The following SIN3A variants were observed in gnomAD, a reference collection of about 807,000 sequenced individuals.
SIN3A encodes paired amphipathic helix protein Sin3a.
SIN3A carries 14 observed loss-of-function variants against 146.1 expected under a neutral mutation model. That is an observed-to-expected ratio of 0.10 (90% CI 0.06 to 0.15). The LOEUF is 0.15. Among genes scored for constraint, SIN3A ranks in the 10% least tolerant of loss-of-function variants. The probability of loss-of-function intolerance (pLI) is 1.00; values close to 1 mark genes in which losing one functional copy is unlikely to be tolerated. For synonymous variants in SIN3A, 572 were observed against 572.0 expected (o/e 1.00, Z 0.00); for missense variants, 1,028 against 1,576.0 (o/e 0.65, Z 5.89).
upstream of SIN3A, chr15:75,454,090 C>T (rs979297900): frequency 3.3e-5 from 5 of 152,194 alleles, no homozygotes; most frequent in Non-Finnish European, 7.3e-5. Flanking sequence ...GGCTACCCGC[C>T]CCACCAATCA....
At chr15:75,406,869 G>T (rs1475201294) in intron 9 of SIN3A, among the ~76,000 whole-genome samples, 186 bp downstream of exon 9, 1 of 152,158 alleles carries the variant, frequency 6.6e-6, no homozygotes, top group Non-Finnish European at 1.5e-5. Context: ...AGCAAACAAT[G>T]CTACCATTTT....
chr15:75,420,867 A>G (rs920931547), intron 3 of SIN3A: 4 of 152,242 alleles, frequency 2.6e-5, no homozygotes, highest in Non-Finnish European at 4.4e-5. Flanking sequence ...TTATGCAGGA[A>G]TATAGTCAAG....
intron 13 of SIN3A, among the ~76,000 whole-genome samples, 157 bp from the exon 14 acceptor site, chr15:75,395,020 ACT>A (rs917330177): frequency 3.3e-5 from 5 of 152,160 alleles, no homozygotes; most frequent in African/African-American, 1.2e-4. Context: ...CCAGTCTTGA[ACT>A]CTGTTTCATG....
intron 12 of SIN3A, among the ~76,000 whole-genome samples, chr15:75,397,524 T>C (rs942256574): frequency 1.3e-5 from 2 of 152,142 alleles, no homozygotes; most frequent in Admixed American, 1.3e-4. Context: ...TTGGCCTGAA[T>C]CCCCAAGTAA....
intron 9 of SIN3A, among the ~76,000 whole-genome samples, chr15:75,404,684 CG>C (rs1293108278): frequency 6.6e-6 from 1 of 151,338 alleles, no homozygotes; most frequent in African/African-American, 2.4e-5. Context: ...TGCGTGAACC[CG>C]GGAGGTGGAG....
chr15:75,394,547 T>C (rs900891747), intron 14 of SIN3A, 133 bp downstream of exon 14: 1 of 640,712 alleles, frequency 1.6e-6, no homozygotes, highest in Non-Finnish European at 2.6e-6. Flanking sequence ...GAAAAGGCTA[T>C]GACAGCTATC....
chr15:75,431,080 G>C (rs2074006920), intron 1 of SIN3A, among the ~76,000 whole-genome samples: 1 of 152,128 alleles, frequency 6.6e-6, no homozygotes, highest in Non-Finnish European at 1.5e-5. Flanking sequence ...CCGGCCTCAA[G>C]TGCTTCTTCT....
In SIN3A at chr15:75,392,593, C is replaced by T. The variant is rs947366543; in HGVS notation, c.2500G>A (p.Val834Met). The change falls in exon 15 of 21, where the codon GTG becomes ATG. Residue 834 changes from valine (V) to methionine (M), a missense_variant. Around this residue, in one of 9 missense-constraint regions of SIN3A, gnomAD observed 488 missense variants for 690.2 expected, o/e 0.71. Transcript: ENST00000394947. Reference protein sequence around the residue: ...LFAQRGDLSDVEEEEEEEMDV... With the variant: ...LFAQRGDLSDMEEEEEEEMDV... ...ATCTCTTCTTCTTCCTCTTCCTCCACATCTGAGAGATCACCTCTTTGGGCA... is the reference window on the plus strand; with the variant it reads ...ATCTCTTCTTCTTCCTCTTCCTCCATATCTGAGAGATCACCTCTTTGGGCA... The T allele has an allele frequency of 1.9e-6, 3 of 1,614,156 alleles. No homozygotes were observed. The highest frequency in any genetic ancestry group is 1.1e-5 in the South Asian group (1 of 91,086).
In SIN3A at chr15:75,384,556, T is replaced by TG. The variant is rs1270471730; in HGVS notation, c.3022-120dup. On this transcript the variant is annotated intron_variant, in intron 16 of 20. Transcript: ENST00000394947. The stretch of plus-strand genomic sequence containing the variant: ...AAAGGTTTTTCTTTTTTTGGGGGGG[T>TG]GGGGGGGTGCTGGCAATTTTAGAAA... 11 of 12,960 alleles carry TG rather than the reference T, an allele frequency of 8.5e-4. No homozygotes were observed. In the East Asian group the frequency reaches 0.016, roughly 18 times the overall value. 0.8% of individuals were successfully genotyped at this position (12,960 alleles called of 1,614,324 possible).
At chr15:75,445,286 C>T (rs1368891761) in intron 1 of SIN3A, among the ~76,000 whole-genome samples, 1 of 145,804 alleles carries the variant, frequency 6.9e-6, no homozygotes, top group Non-Finnish European at 1.5e-5. Context: ...GAGGCTGAGA[C>T]AGGAGAACTG....
intron 14 of SIN3A, 144 bp from the exon 15 acceptor site, chr15:75,392,959 G>C (rs372187359): frequency 7.7e-6 from 5 of 645,928 alleles, no homozygotes; most frequent in Non-Finnish European, 1.0e-5. Flanking sequence ...GACTGGGAGC[G>C]GTGGCTCACG....
chr15:75,392,716 G>C lies in SIN3A; in HGVS notation c.2377C>G (p.Leu793Val). ...DKQILEDAAA[L>V]IIHHVKRQTG... Reference sequence around the variant, plus strand: ...TGCCTCTTCACATGGTGGATAATCAGAGCAGCAGCATCTTCCAGTATTTGT... The same window carrying C: ...TGCCTCTTCACATGGTGGATAATCACAGCAGCAGCATCTTCCAGTATTTGT... The change falls in exon 15 of 21, where the codon CTG (leucine) becomes GTG (valine). Residue 793 changes from leucine (L) to valine (V), a missense_variant. By Grantham distance (32) the Leu-to-Val change is conservative. Transcript: ENST00000394947. 1.9e-6 allele frequency: 3 copies of C among 1,614,156 alleles called. No homozygotes were observed. Among genetic ancestry groups the C allele is most frequent in the Non-Finnish European group, 2.5e-6 (3 of 1,180,028 alleles).
chr15:75,430,694 C>T (rs1465322454), intron 1 of SIN3A, among the ~76,000 whole-genome samples: 1 of 152,080 alleles, frequency 6.6e-6, no homozygotes, highest in Non-Finnish European at 1.5e-5. Flanking sequence ...AACCTTGTTT[C>T]CCTTTATTCT....
intron 9 of SIN3A, among the ~76,000 whole-genome samples, chr15:75,406,789 A>G (rs2073525121): frequency 1.3e-5 from 2 of 152,218 alleles, no homozygotes; most frequent in African/African-American, 4.8e-5. Flanking sequence ...AGCTCCAAAC[A>G]TCTTTCAAGA....
chr15:75,396,356 A>G lies in SIN3A; in HGVS notation c.1995T>C (p.His665=). 1 of 1,614,134 alleles carries G rather than the reference A, an allele frequency of 6.2e-7. No homozygotes were observed. Among genetic ancestry groups the G allele is most frequent in the Admixed American group, 1.7e-5 (1 of 60,014 alleles). Residue 665 remains histidine (H), a synonymous_variant, in exon 13 of 21, where the codon CAT becomes CAC. Transcript: ENST00000394947. The part of the protein sequence containing the change: ...NTLGGTSEVI[H]RKALQRIYAD... ...CATATATCCTCTGGAGTGCTTTTCT[A>G]TGGATGACTTCTGATGTGCCCCCAA... is the stretch of plus-strand genomic sequence containing the variant.
At chr15:75,425,423 C>T (rs1032335447) in intron 2 of SIN3A, among the ~76,000 whole-genome samples, 1 of 152,222 alleles carries the variant, frequency 6.6e-6, no homozygotes, top group African/African-American at 2.4e-5. Context: ...CCGTCTTGGG[C>T]TCCCAAAGTG....
intron 1 of SIN3A, among the ~76,000 whole-genome samples, chr15:75,445,877 T>A (rs542640492): frequency 6.6e-6 from 1 of 152,210 alleles, no homozygotes; most frequent in Non-Finnish European, 1.5e-5. Context: ...ACTGCTTTTA[T>A]CACATTAGCT....
In SIN3A at chr15:75,392,673, T is replaced by A. The variant is rs1433603402; in HGVS notation, c.2420A>T (p.Glu807Val). The A allele has an allele frequency of 1.2e-6, 2 of 1,614,118 alleles. No individual in the cohort carries two copies. The highest frequency in any genetic ancestry group is 1.7e-6 in the Non-Finnish European group (2 of 1,180,046). ...GATTTGTTTTATCTTATATTTGTCC[T>A]CCTTCTGAATGCCTGTCTGCCTCTT... ...HVKRQTGIQK[E>V]DKYKIKQIMH... Residue 807 changes from glutamate (E) to valine (V), a missense_variant, in exon 15 of 21, where the codon GAG becomes GTG. This residue lies in a region of SIN3A where 488 missense variants were observed against 690.2 expected (regional missense o/e 0.71). Transcript: ENST00000394947.
chr15:75,379,120 C>T (rs958467108), intron 19 of SIN3A, among the ~76,000 whole-genome samples: 7 of 152,144 alleles, frequency 4.6e-5, no homozygotes, highest in Middle Eastern at 3.4e-3. Context: ...AGGATGGTCT[C>T]GATCTCCTGA....
Sources: gnomAD v4.1 joint callset for allele counts (sites outside exome capture counted in the v4.1 genomes callset) on GRCh38, gnomAD v4.1.1 for gene constraint, gnomAD v4.1.1 regional missense constraint, MANE v1.5 for transcripts, NCBI Gene and HGNC (gene_info 2026-07-23, HGNC 2026-07-21) for gene names.